Variants in ANK1 observed in about 807,000 individuals in gnomAD.
The protein encoded by ANK1 is ankyrin-1.
A neutral mutation model predicts 210.4 loss-of-function variants in ANK1; 51 were observed. The ratio of observed to expected loss-of-function variants is 0.24; its 90% CI spans 0.19 to 0.31. The LOEUF is 0.31. Ranked by LOEUF, ANK1 falls within the 10% of genes least tolerant of loss-of-function variation. The pLI is 1.00. For synonymous variants in ANK1, 967 were observed against 1,025.9 expected (o/e 0.94, Z 1.10); for missense variants, 2,051 against 2,504.4 (o/e 0.82, Z 3.86).
intron 1 of ANK1, among the ~76,000 whole-genome samples, chr8:41,817,953 GC>G (rs1803593804): frequency 6.6e-6 from 1 of 152,242 alleles, no homozygotes; most frequent in Non-Finnish European, 1.5e-5. Flanking sequence ...TGGTGTGCCA[GC>G]TGCCAATGGG....
intron 37 of ANK1, among the ~76,000 whole-genome samples, chr8:41,679,754 C>T (rs999096349): frequency 4.6e-5 from 7 of 150,928 alleles, no homozygotes; most frequent in South Asian, 4.2e-4. Context: ...TTAGTAGAGA[C>T]GGGGTTTCAC....
At chr8:41,857,409 G>A (rs927142315) in intron 1 of ANK1, among the ~76,000 whole-genome samples, 2 of 151,180 alleles carry the variant, frequency 1.3e-5, no homozygotes, top group Admixed American at 6.6e-5. Flanking sequence ...ACCAGCCTGG[G>A]CAACATGGTG....
At chr8:41,847,278 C>G (rs1318538997) in intron 1 of ANK1, among the ~76,000 whole-genome samples, 1 of 152,192 alleles carries the variant, frequency 6.6e-6, no homozygotes. Context: ...GGGATGACAC[C>G]TTCAGCTCTA....
chr8:41,701,188 C>G (rs936589798), intron 22 of ANK1, among the ~76,000 whole-genome samples: 3 of 152,190 alleles, frequency 2.0e-5, no homozygotes, highest in Non-Finnish European at 1.5e-5. Flanking sequence ...AGTATTCGTT[C>G]AAAGCACAAA....
intron 3 of ANK1, 56 bp from the exon 4 acceptor site, chr8:41,728,062 AC>A: frequency 6.4e-7 from 1 of 1,553,660 alleles, no homozygotes; most frequent in Non-Finnish European, 8.9e-7. Flanking sequence ...CCGCTACGGG[AC>A]CAGCAAAGGT....
At chr8:41,886,298 C>CT (rs1818429777) in intron 1 of ANK1, among the ~76,000 whole-genome samples, 1 of 152,186 alleles carries the variant, frequency 6.6e-6, no homozygotes, top group Admixed American at 6.5e-5. Context: ...AGGTACTTTC[C>CT]ATATATTAAG....
chr8:41,720,224 T>C (rs489169), intron 9 of ANK1, among the ~76,000 whole-genome samples: 149,882 of 152,312 alleles, frequency 0.98, 73,783 homozygotes, highest in East Asian at 1. Flanking sequence ...CTTCTCTTTA[T>C]TTATACGCCT....
chr8:41,842,054 A>C (rs1341723192), intron 1 of ANK1, among the ~76,000 whole-genome samples: 1 of 152,244 alleles, frequency 6.6e-6, no homozygotes, highest in Non-Finnish European at 1.5e-5. Context: ...GCGGCTGTAG[A>C]GACACCTTGG....
chr8:41,876,052 G>A (rs963796717), intron 1 of ANK1, among the ~76,000 whole-genome samples: 10 of 152,004 alleles, frequency 6.6e-5, no homozygotes, highest in African/African-American at 2.2e-4. Context: ...GCAACCGGCA[G>A]GGCAGGAGCT....
chr8:41,733,938 A>G lies in ANK1; in HGVS notation c.228+33T>C. ...AAGGACTCACAAACTTGAATTTTCAATGCAAAGCTCCCCCACTCCCTGTGA... is the reference window on the plus strand; with the variant it reads ...AAGGACTCACAAACTTGAATTTTCAGTGCAAAGCTCCCCCACTCCCTGTGA... On this transcript the variant is annotated intron_variant, in intron 3 of 42. Transcript: ENST00000289734. The G allele has an allele frequency of 1.9e-6, 3 of 1,590,734 alleles. 1 individual carries two copies. The highest frequency in any genetic ancestry group is 2.2e-5 in the South Asian group (2 of 90,602).
intron 5 of ANK1, 132 bp downstream of exon 5, chr8:41,727,118 G>A: frequency 1.3e-6 from 1 of 747,258 alleles, no homozygotes. Context: ...CTCTGGATTA[G>A]TGCAGCGACC....
rs762653006 is a variant in ANK1, at chr8:41,718,339, G to A, written c.1108-135C>T. ...AGCAGATGCCCATAGACCAATCAAC[G>A]AATTAATGCCAATTGATTAGTCTTA... On this transcript the variant is annotated intron_variant, in intron 10 of 42. Coordinates refer to ENST00000289734, the MANE Select transcript of ANK1 (RefSeq NM_000037.4). The A allele has an allele frequency of 1.2e-5, 9 of 747,076 alleles. No individual in the cohort carries two copies. In the African/African-American group the frequency reaches 1.2e-4, roughly 10 times the overall value. 46.3% of individuals were successfully genotyped at this position (747,076 alleles called of 1,614,324 possible). A position where few individuals can be genotyped will look rare whatever the true frequency, so the allele number is the denominator to read the frequency against.
chr8:41,697,366 A>C (rs1821355589), intron 24 of ANK1, among the ~76,000 whole-genome samples: 1 of 152,040 alleles, frequency 6.6e-6, no homozygotes, highest in Non-Finnish European at 1.5e-5. Flanking sequence ...ACCTGAACCT[A>C]GCCTTGCTGC....
At position 41,693,886 on chromosome 8, in the gene ANK1, G is replaced by C. The variant is rs1267798893; in HGVS notation, c.3532+12C>G. 3.1e-6 allele frequency: 5 copies of C among 1,598,278 alleles called. No homozygotes were observed. The highest frequency in any genetic ancestry group is 4.3e-6 in the Non-Finnish European group (5 of 1,173,176). The stretch of plus-strand genomic sequence containing the variant: ...CAGCCGAGAACAGAAGCGAGGCAGG[G>C]GCCCCTCTCACCAATGACGCTGCAA... On this transcript the variant is annotated intron_variant, in intron 29 of 42. Coordinates refer to ENST00000289734, the MANE Select transcript of ANK1 (RefSeq NM_000037.4).
intron 2 of ANK1, among the ~76,000 whole-genome samples, chr8:41,751,437 G>A (rs894115447): frequency 6.6e-6 from 1 of 152,168 alleles, no homozygotes; most frequent in African/African-American, 2.4e-5. Context: ...CTTAAGAGAG[G>A]TACTGACACA....
chr8:41,805,366 G>A (rs1850811665), intron 1 of ANK1, among the ~76,000 whole-genome samples: 6 of 151,752 alleles, frequency 4.0e-5, no homozygotes, highest in Admixed American at 3.3e-4. Flanking sequence ...CCTCAGCCTC[G>A]AAGTAGCTGG....
At chr8:41,884,030 C>T (rs917322950) in intron 1 of ANK1, among the ~76,000 whole-genome samples, 1 of 152,210 alleles carries the variant, frequency 6.6e-6, no homozygotes, top group African/African-American at 2.4e-5. Flanking sequence ...TCCATTTCCT[C>T]ACGGAGTTGC....
chr8:41,808,065 C>T (rs1246897421), intron 1 of ANK1, among the ~76,000 whole-genome samples: 1 of 152,148 alleles, frequency 6.6e-6, no homozygotes, highest in Non-Finnish European at 1.5e-5. Context: ...AGGTCGGCAG[C>T]CCTCTGCTCT....
chr8:41,782,353 G>A (rs1189672177), intron 1 of ANK1, among the ~76,000 whole-genome samples: 3 of 152,210 alleles, frequency 2.0e-5, no homozygotes, highest in African/African-American at 7.2e-5. Context: ...TCTTGGGTGG[G>A]TATTTCAAAC....
Sources: allele counts gnomAD v4.1 joint callset (sites outside exome capture counted in the v4.1 genomes callset), GRCh38; gene constraint gnomAD v4.1.1; transcripts MANE v1.5; gene names NCBI Gene and HGNC (gene_info 2026-07-23, HGNC 2026-07-21).